The following FANCB variants were observed in gnomAD, a reference collection of about 807,000 sequenced individuals.
The protein encoded by FANCB is Fanconi anemia group B protein.
FANCB carries 5 observed loss-of-function variants against 38.9 expected under a neutral mutation model. The ratio of observed to expected loss-of-function variants is 0.13; its 90% CI spans 0.07 to 0.27. FANCB has a LOEUF of 0.27. FANCB is among the 10% of genes least tolerant of loss of function. FANCB has a pLI of 1.00. For missense variants in FANCB, 573 were observed against 602.7 expected (o/e 0.95, Z 0.52); for synonymous variants, 236 against 215.4 (o/e 1.10, Z -0.84).
chrX:14,804,634 TA>T, the FANCB span, among the ~76,000 whole-genome samples: 123 of 109,687 alleles, frequency 1.1e-3, no homozygotes, highest in Non-Finnish European at 1.9e-3. Flanking sequence ...TAAAGTATAA[TA>T]AAAAAATAAA....
At chrX:14,803,907 A>G in the FANCB span, among the ~76,000 whole-genome samples, 2 of 112,013 alleles carry the variant, frequency 1.8e-5, no homozygotes, top group African/African-American at 6.5e-5. Flanking sequence ...TGGCCACCAG[A>G]GAAATGCAAA....
the FANCB span, among the ~76,000 whole-genome samples, chrX:14,702,888 C>T: frequency 9.0e-6 from 1 of 111,280 alleles, no homozygotes; most frequent in Non-Finnish European, 1.9e-5. Context: ...ACAGGGGCCA[C>T]CATACAGAGA....
At chrX:14,840,967 G>A (rs1237539343), downstream of FANCB, among the ~76,000 whole-genome samples, 2 of 112,008 alleles carry the variant, frequency 1.8e-5, no homozygotes, top group African/African-American at 6.5e-5. Flanking sequence ...CAGGATCATT[G>A]AAATAAGGCC....
chrX:14,784,860 G>T, the FANCB span, among the ~76,000 whole-genome samples: 15 of 112,148 alleles, frequency 1.3e-4, no homozygotes, highest in Non-Finnish European at 5.6e-5. Context: ...CATGTCCTTT[G>T]CAGGGACATG....
chrX:14,763,400 C>G, the FANCB span, among the ~76,000 whole-genome samples: 1 of 111,731 alleles, frequency 9.0e-6, no homozygotes, highest in East Asian at 2.8e-4. Flanking sequence ...AACTTAGCAT[C>G]GCGGGGGAAA....
chrX:14,826,502 T>A, the FANCB span, among the ~76,000 whole-genome samples: 8 of 112,612 alleles, frequency 7.1e-5, no homozygotes, highest in Non-Finnish European at 1.3e-4. Flanking sequence ...AGCAACCTAT[T>A]TTATTTCACT....
the FANCB span, among the ~76,000 whole-genome samples, chrX:14,691,324 T>TGCGCGC: frequency 1.6e-5 from 1 of 64,345 alleles, no homozygotes; most frequent in Admixed American, 1.6e-4. Flanking sequence ...TGTGTGTGTG[T>TGCGCGC]GCGCGCGTGC....
intron 5 of FANCB, 145 bp downstream of exon 5, chrX:14,857,717 G>A: frequency 2.0e-6 from 1 of 501,510 alleles, no homozygotes; most frequent in Admixed American, 2.8e-5. Context: ...TTTGTACAGA[G>A]GTGCCAAAAA....
chrX:14,704,251 G>T, the FANCB span, among the ~76,000 whole-genome samples: 1 of 112,543 alleles, frequency 8.9e-6, no homozygotes, highest in Non-Finnish European at 1.9e-5. Flanking sequence ...TTATGTCCCT[G>T]AAATCAAGCC....
the FANCB span, among the ~76,000 whole-genome samples, chrX:14,753,027 AC>A: frequency 4.9e-5 from 5 of 102,973 alleles, no homozygotes; most frequent in East Asian, 3.0e-4. Context: ...ACACACACAC[AC>A]ATTAGTTTTT....
At chrX:14,732,995 G>A in the FANCB span, among the ~76,000 whole-genome samples, 2 of 112,008 alleles carry the variant, frequency 1.8e-5, no homozygotes, top group African/African-American at 3.2e-5. Context: ...TTTCTTCTAG[G>A]GCTTTTATGG....
the FANCB span, among the ~76,000 whole-genome samples, chrX:14,691,671 C>T: frequency 9.0e-6 from 1 of 111,718 alleles, no homozygotes; most frequent in Non-Finnish European, 1.9e-5. Flanking sequence ...TTCTGCAGCT[C>T]CCCAGGCAAT....
the FANCB span, among the ~76,000 whole-genome samples, chrX:14,826,674 T>C: frequency 1.8e-5 from 2 of 112,524 alleles, no homozygotes; most frequent in Non-Finnish European, 3.8e-5. Flanking sequence ...ACATTTTCTC[T>C]GTATTATCGA....
chrX:14,775,160 GTTTTTTTTTTTTTTT>G, the FANCB span, among the ~76,000 whole-genome samples: 1 of 35,012 alleles, frequency 2.9e-5, no homozygotes, highest in African/African-American at 8.7e-5. Flanking sequence ...TTTCTCTAAT[GTTTTTTTTTTTTTTT>G]TTTTTTTTTT....
intron 1 of FANCB, among the ~76,000 whole-genome samples, chrX:14,870,419 G>A (rs1263824278): frequency 9.1e-6 from 1 of 109,833 alleles, no homozygotes; most frequent in Admixed American, 9.8e-5. Flanking sequence ...AGAAGATACA[G>A]AAGTAACTAG....
the FANCB span, among the ~76,000 whole-genome samples, chrX:14,752,675 GAT>G: frequency 2.0e-3 from 226 of 111,823 alleles, 1 homozygote; most frequent in African/African-American, 7.0e-3. Context: ...CCCCAGGTCT[GAT>G]GTCTACATAA....
the FANCB span, among the ~76,000 whole-genome samples, chrX:14,788,473 T>C: frequency 9.0e-6 from 1 of 111,377 alleles, no homozygotes; most frequent in East Asian, 2.8e-4. Flanking sequence ...ACCATTGCTG[T>C]CCTGATACCG....
the FANCB span, among the ~76,000 whole-genome samples, chrX:14,738,893 C>T: frequency 8.9e-6 from 1 of 112,100 alleles, no homozygotes; most frequent in African/African-American, 3.2e-5. Flanking sequence ...ATTTCACTTA[C>T]TCCATTAATA....
At chrX:14,809,954 T>A in the FANCB span, among the ~76,000 whole-genome samples, 2 of 111,673 alleles carry the variant, frequency 1.8e-5, no homozygotes, top group African/African-American at 6.5e-5. Context: ...GACTGACACC[T>A]CACACGGCCG....
Sources: gnomAD v4.1 joint callset for allele counts (sites outside exome capture counted in the v4.1 genomes callset) on GRCh38, gnomAD v4.1.1 for gene constraint, MANE v1.5 for transcripts, NCBI Gene and HGNC (gene_info 2026-07-23, HGNC 2026-07-21) for gene names.